RPH3AL: variants seen among roughly 807,000 people sequenced by gnomAD.
RPH3AL encodes the protein rab effector Noc2.
In RPH3AL, 38 loss-of-function variants were observed where a neutral mutation model predicts 43.1. The observed-to-expected ratio is 0.88, with a 90% confidence interval of 0.68 to 1.15. The LOEUF (loss-of-function observed/expected upper bound fraction) is 1.15, where lower values mean the gene tolerates loss of function less well. Among genes scored for constraint, RPH3AL ranks in the 50% most tolerant of loss-of-function variants. RPH3AL has a pLI of 0.00. For missense variants in RPH3AL, 462 were observed against 423.2 expected, an observed-to-expected ratio of 1.09 and a Z score of -0.81; for synonymous variants, 189 against 176.3, an observed-to-expected ratio of 1.07 and a Z score of -0.57.
chr17:232,829 CGTGTGTGTGTGTGTGTGT>C (rs71143481), intron 7 of RPH3AL, among the ~76,000 whole-genome samples: 3,258 of 119,450 alleles, frequency 0.027, 89 homozygotes, highest in African/African-American at 0.047. Flanking sequence ...TCCTTTCCGG[CGTGTGTGTGTGTGTGTGT>C]GTGTGTGTGT....
At chr17:261,429 G>A (rs782523697) in intron 6 of RPH3AL, among the ~76,000 whole-genome samples, 25 of 152,174 alleles carry the variant, frequency 1.6e-4, no homozygotes, top group South Asian at 4.1e-4. Flanking sequence ...CCAGGGATCC[G>A]AATTCACCAG....
rs558099052 is a variant in RPH3AL at position 245,165 on chromosome 17, G to A, written c.613+1946C>T. On this transcript the variant is annotated intron_variant, in intron 7 of 9. Coordinates refer to ENST00000331302, the MANE Select transcript of RPH3AL (RefSeq NM_006987.4). This position sits in a 1 kb window ranked among gnomAD's most constrained non-coding sequence, Gnocchi z 5.9. ...TGTGGATGTGTGTGTGCACATGGAT[G>A]TGTCTGTGTGTACGTGGATGTCTGT... Among the ~76,000 whole-genome samples, 13 of 151,558 alleles carry A rather than the reference G, an allele frequency of 8.6e-5. No homozygotes were observed. The South Asian group carries it at 2.7e-3, about 32-fold the overall frequency.
At chr17:247,716 G>A (rs1008708637) in intron 6 of RPH3AL, 1 of 165,208 alleles carries the variant, frequency 6.1e-6, no homozygotes, top group Admixed American at 5.9e-5. Flanking sequence ...GGCCTGGCAT[G>A]TGAGACATGT....
At chr17:330,081 G>T (rs2044714440) in intron 2 of RPH3AL, among the ~76,000 whole-genome samples, 1 of 152,238 alleles carries the variant, frequency 6.6e-6, no homozygotes, top group African/African-American at 2.4e-5. Context: ...AGAGGCCTGG[G>T]CCCAGCTTGG....
At chr17:233,407 G>A (rs1399914034) in intron 7 of RPH3AL, among the ~76,000 whole-genome samples, 1 of 152,148 alleles carries the variant, frequency 6.6e-6, no homozygotes, top group Non-Finnish European at 1.5e-5. Flanking sequence ...AGACTGTCCG[G>A]CCCAGGAGTC....
At position 315,234 on chromosome 17, in the gene RPH3AL, T is replaced by G. The variant is rs867707806; in HGVS notation, c.351+4186A>C. ...ACCTGTAGTCTCTGTGCCCCCACCT[T>G]CATTCACCTGTAGTCCCTGTGCCCC... On this transcript the variant is annotated intron_variant, in intron 5 of 9. Transcript: ENST00000331302. Among the ~76,000 whole-genome samples, 8 of 958 alleles carry G rather than the reference T, an allele frequency of 8.4e-3. 1 individual carries two copies. The highest frequency in any genetic ancestry group is 0.018 in the Non-Finnish European group (6 of 342). 0.6% of individuals were successfully genotyped at this position (958 alleles called of 152,430 possible).
intron 7 of RPH3AL, among the ~76,000 whole-genome samples, chr17:235,891 A>G (rs2041376614): frequency 6.9e-6 from 1 of 145,328 alleles, no homozygotes; most frequent in African/African-American, 2.5e-5. Context: ...TGCAGTAACA[A>G]GAGGGATACA....
intron 5 of RPH3AL, among the ~76,000 whole-genome samples, chr17:309,596 C>CCCCG (rs2043591311): frequency 4.7e-5 from 2 of 42,882 alleles, no homozygotes; most frequent in Non-Finnish European, 1.3e-4. Flanking sequence ...CTCCTGCCAG[C>CCCCG]CTCCTGCTGG....
rs2151608629 is a variant in RPH3AL at position 283,051 on chromosome 17, C to T, written c.352-1197G>A. 6.6e-6 allele frequency among the ~76,000 whole-genome samples: 1 copy of T among 152,312 alleles called. No individual in the cohort carries two copies. The highest frequency in any genetic ancestry group is 2.1e-4 in the South Asian group (1 of 4,820). ...GGCTGAGACCGGCTCCAGGCTAACC[C>T]AGGCAGAGTCTGATTCAGCGATCGC... On this transcript the variant is annotated intron_variant, in intron 5 of 9. Transcript: ENST00000331302. This position sits in a 1 kb window ranked among gnomAD's most constrained non-coding sequence, Gnocchi z 4.2.
At chr17:327,398 T>C in intron 3 of RPH3AL, 69 bp downstream of exon 3, 2 of 1,374,894 alleles carry the variant, frequency 1.5e-6, no homozygotes, top group South Asian at 2.3e-5. Flanking sequence ...GAATGAATCT[T>C]GCTGAAGACA....
rs2151609476 is a variant in RPH3AL at position 283,556 on chromosome 17, G to T, written c.352-1702C>A. ...GGGCCCCTTTCCAGCTCTCATGAAGGTCCTAGGCTTGGGGTGTTTGATGGC... is the reference window on the plus strand; with the variant it reads ...GGGCCCCTTTCCAGCTCTCATGAAGTTCCTAGGCTTGGGGTGTTTGATGGC... On this transcript the variant is annotated intron_variant, in intron 5 of 9. Transcript: ENST00000331302. The surrounding 1 kb of genome is among the most constrained non-coding windows in gnomAD (Gnocchi z 4.2). Among the ~76,000 whole-genome samples, 1 of 152,252 alleles carries T rather than the reference G, an allele frequency of 6.6e-6. No individual in the cohort carries two copies. Among genetic ancestry groups the T allele is most frequent in the Non-Finnish European group, 1.5e-5 (1 of 68,010 alleles).
chr17:317,144 G>A (rs1567515511), intron 5 of RPH3AL, among the ~76,000 whole-genome samples: 1 of 84,256 alleles, frequency 1.2e-5, no homozygotes, highest in African/African-American at 4.1e-5. Context: ...TAGTCCCTGT[G>A]CCCCACCTCC....
chr17:297,725 C>T (rs2043217256), intron 5 of RPH3AL, among the ~76,000 whole-genome samples: 1 of 152,148 alleles, frequency 6.6e-6, no homozygotes, highest in Non-Finnish European at 1.5e-5. Flanking sequence ...TTAAAACCTC[C>T]CAGGAGGGTG....
chr17:315,127 C>T (rs1598090681), intron 5 of RPH3AL, among the ~76,000 whole-genome samples: 2 of 151,570 alleles, frequency 1.3e-5, no homozygotes, highest in Non-Finnish European at 1.5e-5. Context: ...GACCTGTAGT[C>T]TCTGTGCTCC....
At chr17:304,633 C>T (rs2043417892) in intron 5 of RPH3AL, among the ~76,000 whole-genome samples, 1 of 152,018 alleles carries the variant, frequency 6.6e-6, no homozygotes, top group Non-Finnish European at 1.5e-5. Context: ...TCCACCCGGC[C>T]AGGGCAGGCC....
At chr17:294,042 A>C (rs1252400472) in intron 5 of RPH3AL, among the ~76,000 whole-genome samples, 1 of 151,544 alleles carries the variant, frequency 6.6e-6, no homozygotes, top group Non-Finnish European at 1.5e-5. Context: ...AAATAAAATA[A>C]AAATAAAACC....
At position 322,934 on chromosome 17, in the gene RPH3AL, C is replaced by T. The variant is rs2044521321; in HGVS notation, c.78-1519G>A. ...CCGTCCCTTCCCAGATGCGAGACCTCGGATGAGGCTCTCACCCTTGGTTTT... is the reference window on the plus strand; with the variant it reads ...CCGTCCCTTCCCAGATGCGAGACCTTGGATGAGGCTCTCACCCTTGGTTTT... On this transcript the variant is annotated intron_variant, in intron 3 of 9. Coordinates refer to ENST00000331302, the MANE Select transcript of RPH3AL (RefSeq NM_006987.4). This position sits in a 1 kb window ranked among gnomAD's most constrained non-coding sequence, Gnocchi z 4.0. Among the ~76,000 whole-genome samples the T allele has an allele frequency of 1.3e-5, 2 of 152,068 alleles. No homozygotes were observed. The highest frequency in any genetic ancestry group is 1.3e-4 in the Admixed American group (2 of 15,266).
chr17:265,742 T>G (rs534163323), intron 6 of RPH3AL, among the ~76,000 whole-genome samples: 1 of 152,384 alleles, frequency 6.6e-6, no homozygotes, highest in Non-Finnish European at 1.5e-5. Flanking sequence ...TCAAATCACA[T>G]TTACTAAGCA....
intron 6 of RPH3AL, among the ~76,000 whole-genome samples, chr17:250,118 G>C (rs9797212): frequency 1.2e-4 from 15 of 120,290 alleles, no homozygotes; most frequent in Admixed American, 2.4e-4. Flanking sequence ...AAGCTCCATC[G>C]CTGCGGGACC....
Sources: gnomAD v4.1 joint callset for allele counts (sites outside exome capture counted in the v4.1 genomes callset) on GRCh38, gnomAD v4.1.1 for gene constraint, Gnocchi (gnomAD v3.1) non-coding constraint, MANE v1.5 for transcripts, NCBI Gene and HGNC (gene_info 2026-07-23, HGNC 2026-07-21) for gene names.